The following MAGI2 variants were observed in gnomAD, a reference collection of about 807,000 sequenced individuals.
MAGI2 encodes membrane associated guanylate kinase, WW and PDZ domain containing 2.
In MAGI2, 35 loss-of-function variants were observed where a neutral mutation model predicts 133.3. The observed-to-expected ratio is 0.26, with a 90% CI of 0.20 to 0.35. The LOEUF (loss-of-function observed/expected upper bound fraction) is 0.35, where lower values mean the gene tolerates loss of function less well. Ranked by LOEUF, MAGI2 falls within the 10% of genes least tolerant of loss-of-function variation. The pLI is 1.00. For synonymous variants in MAGI2, 729 were observed against 710.6 expected, an observed-to-expected ratio of 1.03 and a Z score of -0.41; for missense variants, 1,636 against 1,863.4, an observed-to-expected ratio of 0.88 and a Z score of 2.25.
intron 9 of MAGI2, among the ~76,000 whole-genome samples, chr7:78,333,437 T>A (rs1789435724): frequency 6.6e-6 from 1 of 152,168 alleles, no homozygotes; most frequent in African/African-American, 2.4e-5. Flanking sequence ...ACCAAAAGGT[T>A]CCCCCTTCTC....
In MAGI2 at chr7:78,330,345, C is replaced by T. The variant is rs1789039425; in HGVS notation, c.1408+13433G>A. 1.9e-5 allele frequency among the ~76,000 whole-genome samples: 2 copies of T among 108,062 alleles called. 1 individual carries two copies. Among genetic ancestry groups the T allele is most frequent in the Non-Finnish European group, 4.1e-5 (2 of 48,310 alleles). 70.9% of individuals were successfully genotyped at this position (108,062 alleles called of 152,430 possible). On this transcript the variant is annotated intron_variant, in intron 9 of 21. Coordinates refer to ENST00000354212, the MANE Select transcript of MAGI2 (RefSeq NM_012301.4). ...AGAAAGATTCCTTCACGGCCGGGCG[C>T]GGTGGCTCACGCCTGTAATCCCAGC...
chr7:78,745,119 A>T (rs373642835), intron 2 of MAGI2, among the ~76,000 whole-genome samples: 1 of 152,258 alleles, frequency 6.6e-6, no homozygotes, highest in East Asian at 1.9e-4. Context: ...TACAACCCAG[A>T]CTATCTGACT....
chr7:78,438,976 G>A (rs1787331628), intron 6 of MAGI2, among the ~76,000 whole-genome samples: 1 of 152,136 alleles, frequency 6.6e-6, no homozygotes, highest in Non-Finnish European at 1.5e-5. Flanking sequence ...AGTGCATCAA[G>A]ACATCTAAGG....
intron 2 of MAGI2, among the ~76,000 whole-genome samples, chr7:78,938,242 T>C (rs924136370): frequency 1.3e-5 from 2 of 152,116 alleles, no homozygotes; most frequent in Non-Finnish European, 2.9e-5. Context: ...AAAAAATTAA[T>C]GTTATTAACA....
At chr7:79,425,084 C>A (rs566516470) in intron 1 of MAGI2, among the ~76,000 whole-genome samples, 258 of 151,872 alleles carry the variant, frequency 1.7e-3, no homozygotes, top group Non-Finnish European at 3.4e-3. Context: ...TCCATCTCTA[C>A]TAAAAATAGA....
At chr7:78,268,250 C>A (rs1466031106) in intron 9 of MAGI2, among the ~76,000 whole-genome samples, 1 of 151,814 alleles carries the variant, frequency 6.6e-6, no homozygotes. Context: ...AAAATCTTAA[C>A]CATGTGGTGG....
chr7:79,430,294 A>C (rs62458999), intron 1 of MAGI2, among the ~76,000 whole-genome samples: 4 of 152,156 alleles, frequency 2.6e-5, no homozygotes, highest in Non-Finnish European at 4.4e-5. Flanking sequence ...TTATAGCTAC[A>C]TGGGGAAAAA....
intron 2 of MAGI2, among the ~76,000 whole-genome samples, chr7:78,729,739 T>C (rs573960889): frequency 6.6e-6 from 1 of 152,334 alleles, no homozygotes; most frequent in East Asian, 1.9e-4. Flanking sequence ...GGACTCCTTT[T>C]ATTCTGAACA....
intron 21 of MAGI2, among the ~76,000 whole-genome samples, chr7:78,069,020 T>TCCGTA (rs1814152936): frequency 6.6e-6 from 1 of 152,172 alleles, no homozygotes; most frequent in Non-Finnish European, 1.5e-5. Context: ...CATTGTGAAC[T>TCCGTA]ACAGGGCCAG....
At position 78,209,346 on chromosome 7, in the gene MAGI2, C is replaced by T. The variant is rs371410419; in HGVS notation, c.2048-8153G>A. 2.4e-3 allele frequency among the ~76,000 whole-genome samples: 357 copies of T among 148,252 alleles called. 2 individuals carry two copies. Among genetic ancestry groups the T allele is most frequent in the South Asian group, 9.4e-3 (42 of 4,488 alleles). On this transcript the variant is annotated intron_variant, in intron 10 of 21. Transcript: ENST00000354212. ...GCGCGATCTCGGCTCACTGCAAGCT[C>T]CGCCTTACGGGTTCAGGCCATTCTC...
At chr7:78,677,729 T>G (rs147139391) in intron 2 of MAGI2, among the ~76,000 whole-genome samples, 24 of 152,224 alleles carry the variant, frequency 1.6e-4, no homozygotes, top group African/African-American at 5.3e-4. Flanking sequence ...TGGCATTTAT[T>G]ACATAATTTC....
intron 2 of MAGI2, among the ~76,000 whole-genome samples, chr7:78,770,495 C>T (rs1825474574): frequency 6.6e-6 from 1 of 152,232 alleles, no homozygotes; most frequent in Admixed American, 6.5e-5. Context: ...CAGATATCTG[C>T]TGTTTACATT....
At chr7:78,164,757 TG>T (rs1825455176) in intron 15 of MAGI2, among the ~76,000 whole-genome samples, 1 of 152,264 alleles carries the variant, frequency 6.6e-6, no homozygotes, top group African/African-American at 2.4e-5. Context: ...CATGTTTTTA[TG>T]AAGTCATAAA....
chr7:78,412,081 T>C (rs1797923273), intron 6 of MAGI2, among the ~76,000 whole-genome samples: 1 of 152,064 alleles, frequency 6.6e-6, no homozygotes, highest in South Asian at 2.1e-4. Context: ...AATATGTTTA[T>C]CGCTTTCAAG....
chr7:78,194,908 G>C lies in MAGI2; in HGVS notation c.2235C>G (p.Leu745=), dbSNP rs745670401. Residue 745 remains leucine, a synonymous_variant, in exon 12 of 22, where the codon CTC becomes CTG. Coordinates refer to ENST00000354212, the MANE Select transcript of MAGI2 (RefSeq NM_012301.4). Reference sequence around the variant, plus strand: ...CATAAATGGCCCTAGATTTCTCGTAGAGCTCATATGGATCAGGCTTCCGTG... The same window carrying C: ...CATAAATGGCCCTAGATTTCTCGTACAGCTCATATGGATCAGGCTTCCGTG... ...FDPRKPDPYE[L]YEKSRAIYES... is the part of the protein sequence containing the mutation. The C allele has an allele frequency of 2.5e-6, 4 of 1,609,928 alleles. No individual in the cohort carries two copies. The highest frequency in any genetic ancestry group is 3.4e-6 in the Non-Finnish European group (4 of 1,178,792).
intron 1 of MAGI2, among the ~76,000 whole-genome samples, chr7:79,380,903 G>A (rs1843728749): frequency 6.6e-6 from 1 of 151,772 alleles, no homozygotes; most frequent in African/African-American, 2.4e-5. Flanking sequence ...TTGTTTTAAA[G>A]TAATTAATTT....
intron 6 of MAGI2, among the ~76,000 whole-genome samples, chr7:78,388,928 A>G (rs568688016): frequency 1.3e-5 from 2 of 152,188 alleles, no homozygotes; most frequent in Non-Finnish European, 2.9e-5. Context: ...TCATTAGAAC[A>G]TTCTCCTTGA....
intron 6 of MAGI2, among the ~76,000 whole-genome samples, chr7:78,427,408 C>G (rs541763256): frequency 3.9e-5 from 6 of 152,044 alleles, no homozygotes; most frequent in African/African-American, 1.4e-4. Context: ...AAAGACAAGT[C>G]ATGCATACAG....
At chr7:79,140,059 A>G (rs1821973264) in intron 1 of MAGI2, among the ~76,000 whole-genome samples, 1 of 152,150 alleles carries the variant, frequency 6.6e-6, no homozygotes, top group African/African-American at 2.4e-5. Flanking sequence ...CTTTCCTGGA[A>G]TACATCTGAC....
Sources: allele counts gnomAD v4.1 joint callset (sites outside exome capture counted in the v4.1 genomes callset), GRCh38; gene constraint gnomAD v4.1.1; transcripts MANE v1.5; gene names NCBI Gene and HGNC (gene_info 2026-07-23, HGNC 2026-07-21).